Variants in VWA2 observed in about 807,000 individuals in gnomAD.
VWA2 encodes von Willebrand factor A domain-containing protein 2.
A neutral mutation model predicts 70.4 loss-of-function variants in VWA2; 73 were observed. The observed-to-expected ratio is 1.04, with a 90% CI of 0.86 to 1.26. The LOEUF is 1.26. Among genes scored for constraint, VWA2 ranks in the 50% most tolerant of loss-of-function variants. The probability of loss-of-function intolerance (pLI) is 0.00; values close to 1 mark genes in which losing one functional copy is unlikely to be tolerated. For missense variants in VWA2, 1,011 were observed against 998.5 expected (o/e 1.01, Z -0.17); for synonymous variants, 407 against 423.3 (o/e 0.96, Z 0.47).
At chr10:114,248,933 T>C (rs1340424862) in intron 2 of VWA2, among the ~76,000 whole-genome samples, 168 bp downstream of exon 2, 1 of 152,130 alleles carries the variant, frequency 6.6e-6, no homozygotes. Context: ...CTTGGACCAC[T>C]GCAGTAGCCT....
intron 5 of VWA2, among the ~76,000 whole-genome samples, chr10:114,270,907 C>T (rs1032742933): frequency 5.9e-5 from 9 of 152,194 alleles, no homozygotes; most frequent in African/African-American, 2.2e-4. Flanking sequence ...CATTGCTTAC[C>T]TGTGTCTTTG....
chr10:114,271,899 C>A (rs977076036), intron 5 of VWA2, among the ~76,000 whole-genome samples: 4 of 152,178 alleles, frequency 2.6e-5, no homozygotes, highest in Admixed American at 2.6e-4. Context: ...GGATGGGCTA[C>A]CATCCGCTGA....
chr10:114,251,170 A>G (rs2037188098), intron 2 of VWA2, among the ~76,000 whole-genome samples: 1 of 152,262 alleles, frequency 6.6e-6, no homozygotes, highest in Admixed American at 6.5e-5. Context: ...AGCGTCACCC[A>G]TCCTGCAGAC....
intron 1 of VWA2, among the ~76,000 whole-genome samples, chr10:114,244,266 C>A (rs772134021): frequency 3.3e-4 from 51 of 152,314 alleles, no homozygotes; most frequent in Middle Eastern, 3.4e-3. Flanking sequence ...TCTGAACTGC[C>A]TCTAGTTCAT....
At chr10:114,284,998 G>A in intron 10 of VWA2, 28 bp downstream of exon 10, 1 of 1,518,698 alleles carries the variant, frequency 6.6e-7, no homozygotes, top group Middle Eastern at 1.8e-4. Flanking sequence ...CTGCAAGACT[G>A]ACCACTGGGG....
chr10:114,271,457 C>G (rs539130484), intron 5 of VWA2, among the ~76,000 whole-genome samples: 5 of 152,270 alleles, frequency 3.3e-5, no homozygotes, highest in Admixed American at 6.5e-5. Flanking sequence ...TCCTTGTCTT[C>G]CTGCTGAATG....
intron 10 of VWA2, among the ~76,000 whole-genome samples, chr10:114,285,237 C>T (rs978753775): frequency 1.3e-5 from 2 of 152,174 alleles, no homozygotes; most frequent in Non-Finnish European, 2.9e-5. Flanking sequence ...GAGTGCTGCC[C>T]AGCCCAGCTG....
intron 4 of VWA2, among the ~76,000 whole-genome samples, chr10:114,255,770 C>A (rs918803282): frequency 7.6e-6 from 1 of 131,048 alleles, no homozygotes; most frequent in African/African-American, 2.9e-5. Context: ...CTAAAAGGGG[C>A]ATTTTTTTTT....
chr10:114,274,535 C>T (rs1016812948), intron 6 of VWA2, among the ~76,000 whole-genome samples: 2 of 152,144 alleles, frequency 1.3e-5, no homozygotes, highest in Admixed American at 6.5e-5. Context: ...AGTGCAGTGG[C>T]GCCATCTCAG....
intron 9 of VWA2, among the ~76,000 whole-genome samples, chr10:114,282,834 G>A (rs192807406): frequency 1.7e-4 from 26 of 152,258 alleles, no homozygotes; most frequent in African/African-American, 4.8e-4. Flanking sequence ...GGCAGGCACC[G>A]AGCACCAGCT....
intron 6 of VWA2, among the ~76,000 whole-genome samples, chr10:114,276,825 C>T (rs140540758): frequency 4.9e-4 from 75 of 152,052 alleles, no homozygotes; most frequent in Non-Finnish European, 8.2e-4. Context: ...GGTCTCTTTC[C>T]GCCTTTTGAG....
rs1262220706 is a variant in VWA2, at chr10:114,278,790, C to G, written c.772C>G (p.Pro258Ala). 6.2e-7 allele frequency: 1 copy of G among 1,613,824 alleles called. No homozygotes were observed. Among genetic ancestry groups the G allele is most frequent in the Non-Finnish European group, 8.5e-7 (1 of 1,180,042 alleles). Residue 258 changes from proline (P) to alanine (A), a missense_variant, in exon 8 of 14, where the codon CCA (proline) becomes GCA (alanine). Pro to Ala is a conservative substitution (Grantham distance 27, BLOSUM62 -1). Coordinates refer to ENST00000392982, the MANE Select transcript of VWA2 (RefSeq NM_001272046.2). ...GGTCCGGGAGTTCGCTGGCAATGCC[C>G]CATGCTGGAGAGGATCGCGGCGGAC... ...EMVREFAGNA[P>A]CWRGSRRTLA...
chr10:114,277,988 C>A lies in VWA2; in HGVS notation c.641C>A (p.Ala214Asp), dbSNP rs749789259. The A allele has an allele frequency of 6.2e-7, 1 of 1,613,158 alleles. No individual in the cohort carries two copies. The highest frequency in any genetic ancestry group is 1.1e-5 in the South Asian group (1 of 91,006). The change falls in exon 7 of 14, where the codon GCC becomes GAC. Residue 214 changes from alanine to aspartate, a missense_variant. Physicochemically the swap from Ala to Asp is moderately radical, Grantham distance 126. Coordinates refer to ENST00000392982, the MANE Select transcript of VWA2 (RefSeq NM_001272046.2). Reference sequence around the variant, plus strand: ...CTGTTGGCTGAGCAGGTGGAGGATGCCACCAACGGCCTCTTCAGCACCCTC... The same window carrying A: ...CTGTTGGCTGAGCAGGTGGAGGATGACACCAACGGCCTCTTCAGCACCCTC... The part of the protein sequence containing the change: ...HVLLAEQVED[A>D]TNGLFSTLSS...
rs2133745604 is a variant in VWA2 at position 114,291,391 on chromosome 10, CACTG to C, written c.*156_*159del. The C allele has an allele frequency of 2.3e-6, 2 of 852,180 alleles. No homozygotes were observed. The allele number at this position is 852,180 out of a possible 1,614,324, so 52.8% of individuals were successfully genotyped here. A position where few individuals can be genotyped will look rare whatever the true frequency, so the allele number is the denominator to read the frequency against. On this transcript the variant is annotated 3_prime_UTR_variant, in exon 14 of 14. Coordinates refer to ENST00000392982, the MANE Select transcript of VWA2 (RefSeq NM_001272046.2). ...CCGCCGTGGCCAGGACCACTATTCT[CACTG>C]AGGGAGGAGGATGTCCCAACTGCAG...
At position 114,286,444 on chromosome 10, in the gene VWA2, G is replaced by T; in HGVS notation, c.1503G>T (p.Ser501=). 1 of 1,610,802 alleles carries T rather than the reference G, an allele frequency of 6.2e-7. No individual in the cohort carries two copies. Among genetic ancestry groups the T allele is most frequent in the Non-Finnish European group, 8.5e-7 (1 of 1,178,210 alleles). The change falls in exon 11 of 14, where the codon TCG becomes TCT. Residue 501 remains serine (S), a synonymous_variant. Coordinates refer to ENST00000392982, the MANE Select transcript of VWA2 (RefSeq NM_001272046.2). ...GCCCAAAGCATGTGATGGTCTACTC[G>T]GATCCTCAGGATCTGTTCAACCAAA... is the stretch of plus-strand genomic sequence containing the variant. ...TGSPKHVMVY[S]DPQDLFNQIP...
In VWA2 at chr10:114,254,985, C is replaced by A. The variant is rs777744841; in HGVS notation, c.198C>A (p.Ser66Arg). The part of the protein sequence containing the change: ...LDGSNSVGKG[S>R]FERSKHFAIT... ...GGTCTAACAGCGTCGGGAAAGGGAGCTTTGAAAGGTCCAAGCACTTTGCCA... is the reference window on the plus strand; with the variant it reads ...GGTCTAACAGCGTCGGGAAAGGGAGATTTGAAAGGTCCAAGCACTTTGCCA... Residue 66 changes from serine (S) to arginine (R), a missense_variant, in exon 4 of 14, where the codon AGC (serine) becomes AGA (arginine). Ser to Arg is a moderately radical substitution (Grantham distance 110). Coordinates refer to ENST00000392982, the MANE Select transcript of VWA2 (RefSeq NM_001272046.2). 21 of 1,613,140 alleles carry A rather than the reference C, an allele frequency of 1.3e-5. No homozygotes were observed. The South Asian group carries it at 2.3e-4, about 18-fold the overall frequency.
At chr10:114,251,298 A>G (rs1365011092) in intron 2 of VWA2, among the ~76,000 whole-genome samples, 1 of 152,214 alleles carries the variant, frequency 6.6e-6, no homozygotes, top group East Asian at 1.9e-4. Context: ...TGCAGTCCTG[A>G]AGACATTTCA....
At position 114,263,583 on chromosome 10, in the gene VWA2, C is replaced by T. The variant is rs191620693; in HGVS notation, c.371+2288C>T. Among the ~76,000 whole-genome samples, 555 of 149,566 alleles carry T rather than the reference C, an allele frequency of 3.7e-3. 7 individuals carry two copies. Among genetic ancestry groups the T allele is most frequent in the African/African-American group, 0.013 (521 of 40,600 alleles). On this transcript the variant is annotated intron_variant, in intron 5 of 13. Coordinates refer to ENST00000392982, the MANE Select transcript of VWA2 (RefSeq NM_001272046.2). ...TGATCTCCTGACCTTGTGATCTGCC[C>T]GCCTTGGCTTCCCAGAGTGCTGGGA...
chr10:114,263,327 C>CT (rs1564720569), intron 5 of VWA2, among the ~76,000 whole-genome samples: 120 of 121,700 alleles, frequency 9.9e-4, no homozygotes, highest in African/African-American at 3.4e-3. Context: ...GAATCTCCCC[C>CT]ATTTTTTTTT....
Sources: gnomAD v4.1 joint callset for allele counts (sites outside exome capture counted in the v4.1 genomes callset) on GRCh38, gnomAD v4.1.1 for gene constraint, MANE v1.5 for transcripts, NCBI Gene and HGNC (gene_info 2026-07-23, HGNC 2026-07-21) for gene names.